The following NMNAT2 variants were observed in gnomAD, a reference collection of about 807,000 sequenced individuals.
NMNAT2 encodes the protein nicotinamide nucleotide adenylyltransferase 2.
NMNAT2 carries 11 observed loss-of-function variants against 41.6 expected under a neutral mutation model. The ratio of observed to expected loss-of-function variants is 0.26; its 90% CI spans 0.17 to 0.44. NMNAT2 has a LOEUF of 0.44. NMNAT2 is among the 20% of genes least tolerant of loss of function. The pLI, the probability that NMNAT2 is intolerant of heterozygous loss-of-function variation, is 1.00. For synonymous variants in NMNAT2, 148 were observed against 151.2 expected (o/e 0.98, Z 0.16); for missense variants, 288 against 407.7 (o/e 0.71, Z 2.53).
At chr1:183,276,045 A>G (rs990035933) in intron 8 of NMNAT2, among the ~76,000 whole-genome samples, 3 of 152,120 alleles carry the variant, frequency 2.0e-5, no homozygotes, top group Non-Finnish European at 2.9e-5. Context: ...CTATTGGTTC[A>G]TTATCTCACC....
chr1:183,332,702 GC>G (rs1431270504), intron 1 of NMNAT2, among the ~76,000 whole-genome samples: 1 of 151,748 alleles, frequency 6.6e-6, no homozygotes, highest in African/African-American at 2.4e-5. Flanking sequence ...TGCTAGCCAA[GC>G]CCAGGAGGGC....
chr1:183,395,121 A>G (rs1190859393), intron 1 of NMNAT2, among the ~76,000 whole-genome samples: 1 of 152,106 alleles, frequency 6.6e-6, no homozygotes. Flanking sequence ...GCTCCCATTT[A>G]TCCATCACTT....
At chr1:183,290,045 T>C (rs557776593) in intron 4 of NMNAT2, 83 bp downstream of exon 4, 192 of 1,136,762 alleles carry the variant, frequency 1.7e-4, no homozygotes, top group South Asian at 6.6e-4. Context: ...CCCTCTCCTC[T>C]CCCTGCCTGG....
At chr1:183,298,488 G>T (rs768757394) in intron 1 of NMNAT2, among the ~76,000 whole-genome samples, 11 of 152,136 alleles carry the variant, frequency 7.2e-5, no homozygotes, top group Admixed American at 2.0e-4. Flanking sequence ...AACATATACA[G>T]GGCTTGTATG....
rs373229935 is a variant in NMNAT2, at chr1:183,396,738, C to T, written c.85+21445G>A. Among the ~76,000 whole-genome samples the T allele has an allele frequency of 2.3e-3, 348 of 152,316 alleles. 2 individuals are homozygous for T. Among genetic ancestry groups the T allele is most frequent in the Middle Eastern group, 0.02 (6 of 294 alleles). ...TCTCTCAAGTCACCCCCTTGGCCCT[C>T]TTCCAAGTGTACTTTACTTCCTTTC... On this transcript the variant is annotated intron_variant, in intron 1 of 10. Transcript: ENST00000287713.
rs185317030 is a variant in NMNAT2 at position 183,391,129 on chromosome 1, A to T, written c.85+27054T>A. 3.9e-5 allele frequency among the ~76,000 whole-genome samples: 6 copies of T among 152,248 alleles called. No homozygotes were observed. In the East Asian group the frequency reaches 1.2e-3, roughly 29 times the overall value. On this transcript the variant is annotated intron_variant, in intron 1 of 10. Transcript: ENST00000287713. Reference sequence around the variant, plus strand: ...CCTTGGAGAAATGCCTCCACACCACATCACTTAGGCTCTGTCTCTGCTTCT... The same window carrying T: ...CCTTGGAGAAATGCCTCCACACCACTTCACTTAGGCTCTGTCTCTGCTTCT...
At chr1:183,305,456 T>G (rs539892792) in intron 1 of NMNAT2, among the ~76,000 whole-genome samples, 84 of 152,282 alleles carry the variant, frequency 5.5e-4, no homozygotes, top group African/African-American at 1.7e-3. Flanking sequence ...CACGTCTATT[T>G]TATTCTACAC....
intron 8 of NMNAT2, among the ~76,000 whole-genome samples, chr1:183,273,694 C>T (rs776902161): frequency 6.6e-5 from 10 of 152,188 alleles, no homozygotes; most frequent in Non-Finnish European, 1.3e-4. Context: ...TGCCTACACC[C>T]TCCTCTGCCA....
intron 1 of NMNAT2, among the ~76,000 whole-genome samples, chr1:183,355,570 A>G (rs987972772): frequency 6.6e-6 from 1 of 152,238 alleles, no homozygotes; most frequent in African/African-American, 2.4e-5. Flanking sequence ...AACTCCATGA[A>G]CTCATTGCCT....
intron 1 of NMNAT2, among the ~76,000 whole-genome samples, chr1:183,381,653 T>C (rs562794393): frequency 9.9e-5 from 15 of 152,168 alleles, no homozygotes; most frequent in Admixed American, 2.6e-4. Context: ...GCCGAGATCA[T>C]GCTAGTGCAC....
intron 1 of NMNAT2, among the ~76,000 whole-genome samples, chr1:183,396,125 C>T (rs898216305): frequency 6.6e-6 from 1 of 152,134 alleles, no homozygotes; most frequent in East Asian, 1.9e-4. Context: ...GCAAACAAAC[C>T]CTGGCACTAG....
chr1:183,268,295 C>A (rs892929851), intron 8 of NMNAT2, among the ~76,000 whole-genome samples: 3 of 152,164 alleles, frequency 2.0e-5, no homozygotes, highest in African/African-American at 7.2e-5. Context: ...TAAAGGGATG[C>A]TTTGAGTGGG....
intron 1 of NMNAT2, among the ~76,000 whole-genome samples, chr1:183,355,155 C>T (rs989628322): frequency 2.0e-5 from 3 of 152,138 alleles, no homozygotes; most frequent in Non-Finnish European, 2.9e-5. Flanking sequence ...CCCTTGCATC[C>T]ACCTTTCTCA....
intron 1 of NMNAT2, among the ~76,000 whole-genome samples, chr1:183,300,136 G>A (rs564594951): frequency 6.6e-6 from 1 of 152,088 alleles, no homozygotes; most frequent in South Asian, 2.1e-4. Context: ...GGGCACAGTG[G>A]CTCATGACTG....
rs201505922 is a variant in NMNAT2 at position 183,409,409 on chromosome 1, TG to T, written c.85+8773del. On this transcript the variant is annotated intron_variant, in intron 1 of 10. Transcript: ENST00000287713. Reference sequence around the variant, plus strand: ...ATGACTCACTGCAGCCTCAACCTCATGGGCTCAAGCCATCCTCCCACCTCAG... The same window carrying T: ...ATGACTCACTGCAGCCTCAACCTCATGGCTCAAGCCATCCTCCCACCTCAG... Among the ~76,000 whole-genome samples, 1,353 of 152,264 alleles carry T rather than the reference TG, an allele frequency of 8.9e-3. 15 individuals are homozygous for T. The highest frequency in any genetic ancestry group is 0.031 in the African/African-American group (1,290 of 41,546).
chr1:183,359,873 C>T (rs1217199225), intron 1 of NMNAT2, among the ~76,000 whole-genome samples: 1 of 152,158 alleles, frequency 6.6e-6, no homozygotes, highest in African/African-American at 2.4e-5. Flanking sequence ...ATAAAGACAC[C>T]TGCAAGATAA....
chr1:183,360,062 G>T (rs1020408674), intron 1 of NMNAT2, among the ~76,000 whole-genome samples: 1 of 152,014 alleles, frequency 6.6e-6, no homozygotes, highest in Non-Finnish European at 1.5e-5. Flanking sequence ...CACACACTTG[G>T]GTTCCTTCGA....
At chr1:183,265,762 T>C (rs1455041450) in intron 8 of NMNAT2, among the ~76,000 whole-genome samples, 1 of 152,206 alleles carries the variant, frequency 6.6e-6, no homozygotes, top group Non-Finnish European at 1.5e-5. Context: ...GGCTGAATAA[T>C]GAACCCGAAA....
chr1:183,372,635 T>G (rs1663575158), intron 1 of NMNAT2, among the ~76,000 whole-genome samples: 1 of 152,242 alleles, frequency 6.6e-6, no homozygotes, highest in African/African-American at 2.4e-5. Flanking sequence ...ACCTCTTTCT[T>G]CAAATGCTTT....
Sources: gnomAD v4.1 joint callset for allele counts (sites outside exome capture counted in the v4.1 genomes callset) on GRCh38, gnomAD v4.1.1 for gene constraint, MANE v1.5 for transcripts, NCBI Gene and HGNC (gene_info 2026-07-23, HGNC 2026-07-21) for gene names.